The following PDIA4 variants were observed in gnomAD, a reference collection of about 807,000 sequenced individuals.
PDIA4 encodes protein disulfide isomerase family A member 4.
A neutral mutation model predicts 62.1 loss-of-function variants in PDIA4; 33 were observed. The observed-to-expected ratio is 0.53, with a 90% confidence interval of 0.40 to 0.71. PDIA4 has a LOEUF of 0.71. PDIA4 is among the 30% of genes least tolerant of loss of function. The probability of loss-of-function intolerance (pLI) is 0.00; values close to 1 mark genes in which losing one functional copy is unlikely to be tolerated. For missense variants in PDIA4, 804 were observed against 813.6 expected (o/e 0.99, Z 0.14); for synonymous variants, 341 against 324.1 (o/e 1.05, Z -0.56).
intron 2 of PDIA4, among the ~76,000 whole-genome samples, chr7:149,020,306 A>T (rs1824297059): frequency 6.6e-6 from 1 of 152,156 alleles, no homozygotes; most frequent in African/African-American, 2.4e-5. Flanking sequence ...CTTGACCCTC[A>T]GGCACTGGAC....
chr7:149,003,950 G>A lies in PDIA4; in HGVS notation c.1782C>T (p.Arg594=). 6.2e-7 allele frequency: 1 copy of A among 1,613,604 alleles called. No individual in the cohort carries two copies. Among genetic ancestry groups the A allele is most frequent in the Non-Finnish European group, 8.5e-7 (1 of 1,179,592 alleles). ...DATANDVPSD[R]YKVEGFPTIY... is the part of the protein sequence containing the mutation. ...TGGTGGGGAAGCCCTCCACCTTATA[G>A]CGGTCGCTGGGGACGTCGTTGGCAG... The change falls in exon 10 of 10, where the codon CGC becomes CGT. Residue 594 remains arginine, a synonymous_variant. Coordinates refer to ENST00000652332, the MANE Select transcript of PDIA4 (RefSeq NM_004911.5).
At position 149,020,873 on chromosome 7, in the gene PDIA4, A is replaced by G; in HGVS notation, c.269+94T>C. The G allele has an allele frequency of 3.3e-6, 5 of 1,507,050 alleles. No homozygotes were observed. In the Admixed American group the frequency reaches 8.6e-5, roughly 26 times the overall value. The allele number at this position is 1,507,050 out of a possible 1,614,324, so 93.4% of individuals were successfully genotyped here. On this transcript the variant is annotated intron_variant, in intron 2 of 9. Coordinates refer to ENST00000652332, the MANE Select transcript of PDIA4 (RefSeq NM_004911.5). ...CAAGTTCCTGCACCCAGACACTCCT[A>G]CCCCACCCCCCAAGGTCTGGATGAC...
chr7:149,027,756 C>CT, intron 1 of PDIA4: 1 of 428,524 alleles, frequency 2.3e-6, no homozygotes, highest in Middle Eastern at 3.5e-4. Context: ...ATGCTAAATG[C>CT]AGAAGGAATG....
At chr7:149,006,394 G>A (rs1823757547) in intron 7 of PDIA4, 1 of 222,208 alleles carries the variant, frequency 4.5e-6, no homozygotes, top group Non-Finnish European at 8.8e-6. Context: ...GGGCTGTGTG[G>A]AACTTTCCAC....
chr7:149,005,625 T>C (rs1359742256), intron 8 of PDIA4, among the ~76,000 whole-genome samples: 3 of 152,216 alleles, frequency 2.0e-5, no homozygotes, highest in Admixed American at 6.5e-5. Context: ...AGGGCTGGTC[T>C]AGTCCCAGCT....
At chr7:149,004,733 G>T (rs1823679534) in intron 9 of PDIA4, among the ~76,000 whole-genome samples, 1 of 152,206 alleles carries the variant, frequency 6.6e-6, no homozygotes, top group African/African-American at 2.4e-5. Flanking sequence ...GCCCTGTCTG[G>T]GCTCCATCTT....
chr7:149,022,089 C>A (rs1310640432), intron 1 of PDIA4, among the ~76,000 whole-genome samples: 2 of 152,156 alleles, frequency 1.3e-5, no homozygotes, highest in Non-Finnish European at 1.5e-5. Context: ...AACAAGTACT[C>A]AATCTTTTCA....
chr7:149,026,987 T>C (rs1293881447), intron 1 of PDIA4, among the ~76,000 whole-genome samples: 2 of 152,050 alleles, frequency 1.3e-5, no homozygotes, highest in Non-Finnish European at 1.5e-5. Context: ...CCCAGGCCTC[T>C]CAAGAATCCC....
chr7:149,008,395 A>C (rs1464197577), intron 6 of PDIA4, 85 bp from the exon 7 acceptor site: 2 of 1,425,296 alleles, frequency 1.4e-6, no homozygotes, highest in Non-Finnish European at 1.9e-6. Context: ...AGCCAAAGCA[A>C]ATGTTCTGAA....
At chr7:149,015,159 G>A in intron 3 of PDIA4, 117 bp from the exon 4 acceptor site, 1 of 1,026,228 alleles carries the variant, frequency 9.7e-7, no homozygotes, top group Non-Finnish European at 1.4e-6. Context: ...ACAAGAACAG[G>A]AGGTGTCTGA....
chr7:149,019,086 C>T lies in PDIA4; in HGVS notation c.381G>A (p.Val127=), dbSNP rs1563123088. 6.2e-7 allele frequency: 1 copy of T among 1,613,788 alleles called. No homozygotes were observed. The highest frequency in any genetic ancestry group is 8.5e-7 in the Non-Finnish European group (1 of 1,179,906). The change falls in exon 3 of 10, where the codon GTG becomes GTA. Residue 127 remains valine, a synonymous_variant. Transcript: ENST00000652332. ...CACTCACATCAAACCTGCTGGCCAG[C>T]ACAGACGCTGAGGTTGCATCGATCT... is the stretch of plus-strand genomic sequence containing the variant. ...VAKIDATSAS[V]LASRFDVSGY...
intron 4 of PDIA4, among the ~76,000 whole-genome samples, chr7:149,014,568 C>T (rs1334782780): frequency 6.6e-6 from 1 of 152,160 alleles, no homozygotes; most frequent in African/African-American, 2.4e-5. Flanking sequence ...CCCTCCCCTC[C>T]CCATGAAGCA....
chr7:149,014,877 T>G, intron 4 of PDIA4, 27 bp downstream of exon 4: 8 of 1,611,868 alleles, frequency 5.0e-6, no homozygotes, highest in Non-Finnish European at 6.8e-6. Context: ...GGGTACTGAA[T>G]ATGGAAAGGG....
At chr7:149,015,492 CA>C (rs34656815) in intron 3 of PDIA4, among the ~76,000 whole-genome samples, 61,511 of 104,034 alleles carry the variant, frequency 0.59, 16,885 homozygotes, top group South Asian at 0.72. Flanking sequence ...AAGATGTATG[CA>C]AAAAAAAAAA....
At chr7:149,026,095 A>AT (rs1563125315) in intron 1 of PDIA4, among the ~76,000 whole-genome samples, 2 of 152,010 alleles carry the variant, frequency 1.3e-5, no homozygotes, top group Admixed American at 1.3e-4. Flanking sequence ...CAAAAAGAAA[A>AT]AAAAAAGCCT....
chr7:149,016,854 G>A (rs912182062), intron 3 of PDIA4, among the ~76,000 whole-genome samples: 1 of 152,080 alleles, frequency 6.6e-6, no homozygotes, highest in Non-Finnish European at 1.5e-5. Context: ...CCAGGTTCAG[G>A]GAAGAAAGAC....
intron 8 of PDIA4, 31 bp from the exon 9 acceptor site, chr7:149,005,405 G>A (rs747359091): frequency 1.5e-5 from 22 of 1,449,438 alleles, no homozygotes; most frequent in South Asian, 9.1e-5. Flanking sequence ...TAAGCCAGGC[G>A]GCCACACAGA....
chr7:149,005,056 A>G, intron 9 of PDIA4, 85 bp downstream of exon 9: 1 of 1,036,016 alleles, frequency 9.7e-7, no homozygotes. Context: ...CCGTGGCCAG[A>G]GCACCAGACG....
intron 4 of PDIA4, among the ~76,000 whole-genome samples, chr7:149,014,452 C>G (rs1262628762): frequency 6.6e-6 from 1 of 152,110 alleles, no homozygotes; most frequent in African/African-American, 2.4e-5. Context: ...GGCAGATGGT[C>G]TCTCCTGAAG....
Sources: gnomAD v4.1 joint callset for allele counts (sites outside exome capture counted in the v4.1 genomes callset) on GRCh38, gnomAD v4.1.1 for gene constraint, MANE v1.5 for transcripts, NCBI Gene and HGNC (gene_info 2026-07-23, HGNC 2026-07-21) for gene names.